Variants in COL5A2 observed in about 807,000 individuals in gnomAD.
The protein encoded by COL5A2 is collagen alpha-2(V) chain.
COL5A2 carries 23 observed loss-of-function variants against 208.2 expected under a neutral mutation model. That is an observed-to-expected ratio of 0.11 (90% CI 0.08 to 0.16). COL5A2 has a LOEUF of 0.16. Ranked by LOEUF, COL5A2 falls within the 10% of genes least tolerant of loss-of-function variation. The pLI is 1.00. For missense variants in COL5A2, 1,590 were observed against 1,956.4 expected (o/e 0.81, Z 3.53); for synonymous variants, 625 against 628.5 (o/e 0.99, Z 0.08).
intron 1 of COL5A2, among the ~76,000 whole-genome samples, chr2:189,144,675 T>C (rs1688004440): frequency 6.6e-6 from 1 of 152,054 alleles, no homozygotes; most frequent in Admixed American, 6.6e-5. Context: ...CCTAATGAAC[T>C]GGGAAGATGA....
rs368587467 is a variant in COL5A2, at chr2:189,194,299, T to C, written c.-42+30849A>G. Among the ~76,000 whole-genome samples, 7 of 152,340 alleles carry C rather than the reference T, an allele frequency of 4.6e-5. No homozygotes were observed. The East Asian group carries it at 1.2e-3, about 25-fold the overall frequency. On this transcript the variant is annotated intron_variant, in intron 1 of 10. Coordinates refer to the COL5A2 transcript ENST00000649966. ...AAGTTTACCAAAGTAGCACATGCTTTTCTCTCACTCGTAGAAAAGGGCTAA... is the reference window on the plus strand; with the variant it reads ...AAGTTTACCAAAGTAGCACATGCTTCTCTCTCACTCGTAGAAAAGGGCTAA...
Position 189,160,059 on chromosome 2 carries a change from C to T in COL5A2, c.97+19449G>A, listed in dbSNP as rs151063880. On this transcript the variant is annotated intron_variant, in intron 1 of 53. Transcript: ENST00000374866. ...TAACATAGAGTGTTGTTCTTGGTGA[C>T]TAAAATTGCCATCCTCCCTTTTTTC... Among the ~76,000 whole-genome samples, 868 of 152,116 alleles carry T rather than the reference C, an allele frequency of 5.7e-3. 11 individuals carry two copies. The highest frequency in any genetic ancestry group is 0.02 in the African/African-American group (829 of 41,490).
chr2:189,323,894 A>G, the COL5A2 span, among the ~76,000 whole-genome samples: 9 of 152,354 alleles, frequency 5.9e-5, no homozygotes, highest in South Asian at 1.2e-3. Context: ...ACAAAGCTGG[A>G]GGCATCACGC....
At chr2:189,282,099 T>C in the COL5A2 span, among the ~76,000 whole-genome samples, 2 of 152,024 alleles carry the variant, frequency 1.3e-5, no homozygotes, top group Non-Finnish European at 2.9e-5. Context: ...GCAGGCAGAA[T>C]TGTTAGAACC....
intron 1 of COL5A2, among the ~76,000 whole-genome samples, chr2:189,112,896 GTA>G (rs1389546276): frequency 6.6e-6 from 1 of 152,092 alleles, no homozygotes; most frequent in Non-Finnish European, 1.5e-5. Flanking sequence ...GACACAACCT[GTA>G]TAAAAATGGG....
At chr2:189,144,464 T>G (rs1687999542) in intron 1 of COL5A2, among the ~76,000 whole-genome samples, 1 of 151,926 alleles carries the variant, frequency 6.6e-6, no homozygotes, top group Non-Finnish European at 1.5e-5. Context: ...AAGGACACTG[T>G]AGGTTGCAGT....
chr2:189,046,147 C>T (rs1347556910), intron 45 of COL5A2, among the ~76,000 whole-genome samples: 4 of 152,052 alleles, frequency 2.6e-5, no homozygotes, highest in African/African-American at 9.7e-5. Context: ...CCCTATTGCT[C>T]GCACGTCAAG....
chr2:189,284,884 C>T, the COL5A2 span, among the ~76,000 whole-genome samples: 2 of 151,978 alleles, frequency 1.3e-5, no homozygotes, highest in Non-Finnish European at 2.9e-5. Context: ...ACTGTTCATG[C>T]CTTGTTATGT....
the COL5A2 span, among the ~76,000 whole-genome samples, chr2:189,408,005 T>C: frequency 6.6e-6 from 1 of 152,180 alleles, no homozygotes; most frequent in Non-Finnish European, 1.5e-5. Context: ...GAAAGTAGAC[T>C]GCATTACTTC....
chr2:189,069,673 T>C (rs557471735), intron 18 of COL5A2, among the ~76,000 whole-genome samples: 31 of 152,286 alleles, frequency 2.0e-4, no homozygotes, highest in African/African-American at 7.2e-4. Context: ...TAGACAATAG[T>C]TTTCCAAATC....
chr2:189,088,653 T>G, intron 8 of COL5A2, 42 bp downstream of exon 8: 1 of 1,451,416 alleles, frequency 6.9e-7, no homozygotes, highest in Non-Finnish European at 9.7e-7. Flanking sequence ...AAATAATTTT[T>G]TTCACTGAAG....
At chr2:189,190,733 C>T (rs1052762960) in intron 1 of COL5A2, among the ~76,000 whole-genome samples, 14 of 152,236 alleles carry the variant, frequency 9.2e-5, no homozygotes, top group Admixed American at 8.5e-4. Context: ...CATCAGTCAT[C>T]ACACCCTTGT....
intron 3 of COL5A2, among the ~76,000 whole-genome samples, chr2:189,100,805 G>C (rs1196256451): frequency 6.6e-6 from 1 of 151,928 alleles, no homozygotes; most frequent in Non-Finnish European, 1.5e-5. Context: ...TAAGTAAATA[G>C]GGTCAGGTCA....
chr2:189,137,719 G>A (rs538526808), intron 1 of COL5A2, among the ~76,000 whole-genome samples: 8 of 152,210 alleles, frequency 5.3e-5, no homozygotes, highest in Non-Finnish European at 8.8e-5. Flanking sequence ...ATGGGTAGAT[G>A]GGCTGTTGAA....
chr2:189,284,526 G>T, the COL5A2 span, among the ~76,000 whole-genome samples: 4 of 152,064 alleles, frequency 2.6e-5, no homozygotes, highest in South Asian at 6.2e-4. Context: ...CAGATCTCAT[G>T]AGAACTCCAT....
intron 50 of COL5A2, among the ~76,000 whole-genome samples, chr2:189,040,131 T>C (rs1396015397): frequency 6.6e-6 from 1 of 152,114 alleles, no homozygotes; most frequent in Non-Finnish European, 1.5e-5. Flanking sequence ...AAAAATTCTC[T>C]GTCCTAAGAA....
intron 1 of COL5A2, among the ~76,000 whole-genome samples, chr2:189,221,146 T>C (rs1689343757): frequency 6.6e-6 from 1 of 152,192 alleles, no homozygotes; most frequent in African/African-American, 2.4e-5. Flanking sequence ...GGAGAGCTGT[T>C]ATACTGGATC....
chr2:189,384,769 A>AT, the COL5A2 span, among the ~76,000 whole-genome samples: 1 of 151,994 alleles, frequency 6.6e-6, no homozygotes, highest in African/African-American at 2.4e-5. Flanking sequence ...CCATTTGTCC[A>AT]TTTTTGCTTT....
At chr2:189,309,127 C>T in the COL5A2 span, among the ~76,000 whole-genome samples, 1 of 152,096 alleles carries the variant, frequency 6.6e-6, no homozygotes, top group African/African-American at 2.4e-5. Context: ...AGGGTCTCTC[C>T]CCGACAACCT....
Sources: gnomAD v4.1 joint callset for allele counts (sites outside exome capture counted in the v4.1 genomes callset) on GRCh38, gnomAD v4.1.1 for gene constraint, MANE v1.5 for transcripts, NCBI Gene and HGNC (gene_info 2026-07-23, HGNC 2026-07-21) for gene names.